The following SON variants were observed in gnomAD, a reference collection of about 807,000 sequenced individuals.
SON encodes protein SON.
SON carries 4 observed loss-of-function variants against 173.3 expected under a neutral mutation model. The ratio of observed to expected loss-of-function variants is 0.02; its 90% CI spans 0.01 to 0.05. The LOEUF (loss-of-function observed/expected upper bound fraction) is 0.05. Among genes scored for constraint, SON ranks in the 10% least tolerant of loss-of-function variants. The pLI is 1.00. For missense variants in SON, 2,626 were observed against 3,055.3 expected (o/e 0.86, Z 3.31); for synonymous variants, 1,190 against 1,105.9 (o/e 1.08, Z -1.51).
At position 33,560,657 on chromosome 21, in the gene SON, CTTTTA is replaced by C. The variant is rs2086055267; in HGVS notation, c.6657+886_6657+890del. On this transcript the variant is annotated intron_variant, in intron 6 of 11. Coordinates refer to ENST00000356577, the MANE Select transcript of SON (RefSeq NM_138927.4). The stretch of plus-strand genomic sequence containing the variant: ...GCTGTATCTTTTAATAAACAGTTTA[CTTTTA>C]TTTAACTTGTTGTGCAAAATCACGC... 5 of 939,088 alleles carry C rather than the reference CTTTTA, an allele frequency of 5.3e-6. No homozygotes were observed. The Admixed American group carries it at 2.5e-4, about 46-fold the overall frequency. The allele number at this position is 939,088 out of a possible 1,614,324, so 58.2% of individuals were successfully genotyped here.
chr21:33,546,400 T>C (rs2085618111), intron 2 of SON, 21 bp downstream of exon 2: 1 of 1,569,940 alleles, frequency 6.4e-7, no homozygotes, highest in Non-Finnish European at 8.6e-7. Flanking sequence ...GATAATTAAC[T>C]GTCTCAAAAA....
At position 33,576,575 on chromosome 21, in the gene SON, AGATT is replaced by A. The variant is rs2086406341; in HGVS notation, c.*154_*157del. The A allele has an allele frequency of 2.7e-6, 2 of 746,566 alleles. No homozygotes were observed. The highest frequency in any genetic ancestry group is 5.0e-6 in the Non-Finnish European group (2 of 399,570). 46.2% of individuals were successfully genotyped at this position (746,566 alleles called of 1,614,324 possible). On this transcript the variant is annotated 3_prime_UTR_variant, in exon 12 of 12. Coordinates refer to ENST00000356577, the MANE Select transcript of SON (RefSeq NM_138927.4). ...TGCTTCAGGAGTGCCTCACGTAGAT[AGATT>A]GAGGTTTTATAATAATCATTTCAGA...
chr21:33,554,198 A>G lies in SON; in HGVS notation c.4967A>G (p.Glu1656Gly). Residue 1656 changes from glutamate to glycine, a missense_variant, in exon 3 of 12, where the codon GAA becomes GGA. This residue lies in a region of SON where 1,006 missense variants were observed against 895.6 expected (regional missense o/e 1.12). Transcript: ENST00000356577. Reference protein sequence around the residue: ...SPSGGSEADIEGPLPAKDIHL... With the variant: ...SPSGGSEADIGGPLPAKDIHL... ...AGTGGTGGTAGTGAAGCTGACATTG[A>G]AGGGCCTTTGCCTGCTAAAGATATT... 6.2e-7 allele frequency: 1 copy of G among 1,614,172 alleles called. No homozygotes were observed. Among genetic ancestry groups the G allele is most frequent in the Non-Finnish European group, 8.5e-7 (1 of 1,180,000 alleles).
chr21:33,547,553 C>T (rs1306257352), intron 2 of SON, among the ~76,000 whole-genome samples: 1 of 152,102 alleles, frequency 6.6e-6, no homozygotes, highest in Non-Finnish European at 1.5e-5. Flanking sequence ...AGATTCATGA[C>T]TCTCAAACAG....
At chr21:33,564,175 A>G (rs1251308891) in intron 6 of SON, among the ~76,000 whole-genome samples, 1 of 152,128 alleles carries the variant, frequency 6.6e-6, no homozygotes, top group Non-Finnish European at 1.5e-5. Context: ...TGCCTTTCTT[A>G]TATTTCCAGT....
rs988629406 is a variant in SON at position 33,553,414 on chromosome 21, C to T, written c.4183C>T (p.Pro1395Ser). The part of the protein sequence containing the change: ...EPSVVTVPEP[P>S]VVAEPDYVTI... ...TTCGGTTGTGACTGTCCCGGAGCCT[C>T]CTGTTGTGGCTGAGCCAGACTATGT... Residue 1395 changes from proline (P) to serine (S), a missense_variant, in exon 3 of 12, where the codon CCT (proline) becomes TCT (serine). Physicochemically the swap from Pro to Ser is moderately conservative, Grantham distance 74 (BLOSUM62 -1). Around this residue, in one of 13 missense-constraint regions of SON, gnomAD observed 1,006 missense variants for 895.6 expected, o/e 1.12. Transcript: ENST00000356577. 11 of 1,613,722 alleles carry T rather than the reference C, an allele frequency of 6.8e-6. No individual in the cohort carries two copies. The South Asian group carries it at 8.8e-5, about 13-fold the overall frequency.
In SON at chr21:33,554,211, T is replaced by C; in HGVS notation, c.4980T>C (p.Pro1660=). The C allele has an allele frequency of 1.2e-6, 2 of 1,614,172 alleles. No individual in the cohort carries two copies. The highest frequency in any genetic ancestry group is 1.7e-6 in the Non-Finnish European group (2 of 1,179,978). The change falls in exon 3 of 12, where the codon CCT becomes CCC. Residue 1660 remains proline, a synonymous_variant. Coordinates refer to ENST00000356577, the MANE Select transcript of SON (RefSeq NM_138927.4). Reference sequence around the variant, plus strand: ...AAGCTGACATTGAAGGGCCTTTGCCTGCTAAAGATATTCATCTTGATTTAC... The same window carrying C: ...AAGCTGACATTGAAGGGCCTTTGCCCGCTAAAGATATTCATCTTGATTTAC... ...GSEADIEGPL[P]AKDIHLDLPS... is the part of the protein sequence containing the mutation.
Position 33,554,237 on chromosome 21 carries a change from C to T in SON, c.5006C>T (p.Pro1669Leu), listed in dbSNP as rs1347124037. Residue 1669 changes from proline to leucine, a missense_variant, in exon 3 of 12, where the codon CCA (proline) becomes CTA (leucine). Physicochemically the swap from Pro to Leu is moderately conservative, Grantham distance 98 (BLOSUM62 -3). This residue lies in a region of SON where 1,006 missense variants were observed against 895.6 expected (regional missense o/e 1.12). Coordinates refer to ENST00000356577, the MANE Select transcript of SON (RefSeq NM_138927.4). Reference protein sequence around the residue: ...LPAKDIHLDLPSNNNLVSKDT... With the variant: ...LPAKDIHLDLLSNNNLVSKDT... ...GCTAAAGATATTCATCTTGATTTAC[C>T]ATCTAATAATAACCTTGTTAGTAAG... 2.5e-6 allele frequency: 4 copies of T among 1,613,832 alleles called. No homozygotes were observed. In the African/African-American group the frequency reaches 4.0e-5, roughly 16 times the overall value.
chr21:33,549,854 C>A lies in SON; in HGVS notation c.623C>A (p.Ala208Asp). 1 of 1,614,230 alleles carries A rather than the reference C, an allele frequency of 6.2e-7. No homozygotes were observed. The highest frequency in any genetic ancestry group is 8.5e-7 in the Non-Finnish European group (1 of 1,180,044). ...CACATCTTAGAAACTCTGAAGCCAG[C>A]TACAAAAACTGCAGAACTGTCAGTT... is the stretch of plus-strand genomic sequence containing the variant. ...EPHILETLKP[A>D]TKTAELSVVS... The change falls in exon 3 of 12, where the codon GCT (alanine) becomes GAT (aspartate). Residue 208 changes from alanine (A) to aspartate (D), a missense_variant. Ala to Asp is a moderately radical substitution (Grantham distance 126). Coordinates refer to ENST00000356577, the MANE Select transcript of SON (RefSeq NM_138927.4).
Position 33,550,502 on chromosome 21 carries a change from T to C in SON, c.1271T>C (p.Val424Ala). Residue 424 changes from valine to alanine, a missense_variant, in exon 3 of 12, where the codon GTG becomes GCG. Coordinates refer to ENST00000356577, the MANE Select transcript of SON (RefSeq NM_138927.4). ...PELPGPLSTPVPELPGPPATA... is the reference protein window; with the variant it reads ...PELPGPLSTPAPELPGPPATA... ...TTGCCAGGGCCCCTTTCTACCCCAG[T>C]GCCTGAGTTGCCAGGGCCCCCTGCG... 1 of 1,613,336 alleles carries C rather than the reference T, an allele frequency of 6.2e-7. No individual in the cohort carries two copies. Among genetic ancestry groups the C allele is most frequent in the Non-Finnish European group, 8.5e-7 (1 of 1,179,704 alleles).
chr21:33,546,538 G>C (rs1601252807), intron 2 of SON, 159 bp downstream of exon 2: 1 of 499,644 alleles, frequency 2.0e-6, no homozygotes, highest in African/African-American at 2.0e-5. Context: ...CCAGCACTTT[G>C]GGAGGCTGAG....
chr21:33,573,593 C>T, intron 9 of SON, 138 bp downstream of exon 9: 3 of 681,746 alleles, frequency 4.4e-6, no homozygotes, highest in South Asian at 3.2e-5. Flanking sequence ...ACATTAACCC[C>T]TTTTGGGGTT....
At chr21:33,575,461 T>G in intron 9 of SON, 135 bp from the exon 10 acceptor site, 2 of 518,310 alleles carry the variant, frequency 3.9e-6, no homozygotes, top group Non-Finnish European at 6.9e-6. Flanking sequence ...AGAAGATTGA[T>G]AGAGAAATCG....
intron 2 of SON, chr21:33,546,836 A>G (rs1271133939): frequency 6.6e-6 from 1 of 152,460 alleles, no homozygotes; most frequent in Non-Finnish European, 1.5e-5. Context: ...GATTTAATGA[A>G]GACTTTCTTG....
In SON at chr21:33,551,076, T is replaced by C; in HGVS notation, c.1845T>C (p.Ala615=). Reference sequence around the variant, plus strand: ...AGTTCTCGGGGCAGTCTGGGGCAGCTGGAGCACTGGAGCTTTTGGGGCAGC... The same window carrying C: ...AGTTCTCGGGGCAGTCTGGGGCAGCCGGAGCACTGGAGCTTTTGGGGCAGC... The part of the protein sequence containing the change: ...ALEFSGQSGA[A]GALELLGQPL... The change falls in exon 3 of 12, where the codon GCT becomes GCC. Residue 615 remains alanine (A), a synonymous_variant. Transcript: ENST00000356577. The C allele has an allele frequency of 3.1e-6, 5 of 1,611,016 alleles. No individual in the cohort carries two copies. The highest frequency in any genetic ancestry group is 4.2e-6 in the Non-Finnish European group (5 of 1,178,964).
rs370344763 is a variant in SON at position 33,551,890 on chromosome 21, G to A, written c.2659G>A (p.Ala887Thr). 5.0e-5 allele frequency: 80 copies of A among 1,614,076 alleles called. No homozygotes were observed. In the African/African-American group the frequency reaches 9.3e-4, roughly 19 times the overall value. ...TGGCACCATGGATGCTCAGATGTTA[G>A]CGTCTGGTACCATGGATGCCCAGAT... ...ASGTMDAQMLASGTMDAQMLA... is the reference protein window; with the variant it reads ...ASGTMDAQMLTSGTMDAQMLA... The change falls in exon 3 of 12, where the codon GCG becomes ACG. Residue 887 changes from alanine (A) to threonine (T), a missense_variant. By Grantham distance (58) the Ala-to-Thr change is moderately conservative (BLOSUM62 0). Transcript: ENST00000356577.
At position 33,552,446 on chromosome 21, in the gene SON, G is replaced by A. The variant is rs754908537; in HGVS notation, c.3215G>A (p.Arg1072His). The change falls in exon 3 of 12, where the codon CGC (arginine) becomes CAC (histidine). Residue 1072 changes from arginine to histidine, a missense_variant. This residue lies in a region of SON where 366 missense variants were observed against 448.6 expected (regional missense o/e 0.82). Coordinates refer to ENST00000356577, the MANE Select transcript of SON (RefSeq NM_138927.4). The surrounding 1 kb of genome is among the most constrained non-coding windows in gnomAD (Gnocchi z 5.6). ...CGCTCCATGATGTCAGCTTATGAAC[G>A]CTCCATGATGTCCCCAATGGCTGAT... is the stretch of plus-strand genomic sequence containing the variant. Reference protein sequence around the residue: ...YERSMMSAYERSMMSPMADRS... With the variant: ...YERSMMSAYEHSMMSPMADRS... The A allele has an allele frequency of 3.7e-6, 6 of 1,613,726 alleles. No homozygotes were observed. Among genetic ancestry groups the A allele is most frequent in the African/African-American group, 1.3e-5 (1 of 74,804 alleles).
chr21:33,574,948 G>A (rs1267151189), intron 9 of SON, among the ~76,000 whole-genome samples: 1 of 152,162 alleles, frequency 6.6e-6, no homozygotes, highest in Non-Finnish European at 1.5e-5. Flanking sequence ...CACCTTTTTG[G>A]TGGCTTAAAA....
At position 33,549,675 on chromosome 21, in the gene SON, AGATTTAGAATCT is replaced by A; in HGVS notation, c.449_460del (p.Leu150_Asp153del). 1.2e-6 allele frequency: 2 copies of A among 1,612,412 alleles called. No individual in the cohort carries two copies. The highest frequency in any genetic ancestry group is 1.7e-6 in the Non-Finnish European group (2 of 1,179,584). On this transcript the variant is annotated inframe_deletion, in exon 3 of 12. Coordinates refer to ENST00000356577, the MANE Select transcript of SON (RefSeq NM_138927.4). The stretch of plus-strand genomic sequence containing the variant: ...CGAAATCTCATGATGATGGGAACAT[AGATTTAGAATCT>A]GATTCCTTTTTAAAGTTTGATTCTG...
Sources: allele counts gnomAD v4.1 joint callset (sites outside exome capture counted in the v4.1 genomes callset), GRCh38; gene constraint gnomAD v4.1.1; regional missense constraint gnomAD v4.1.1; non-coding constraint Gnocchi (gnomAD v3.1); transcripts MANE v1.5; gene names NCBI Gene and HGNC (gene_info 2026-07-23, HGNC 2026-07-21).